PITPNA: variants seen among roughly 807,000 people sequenced by gnomAD.
The protein encoded by PITPNA is phosphatidylinositol transfer protein alpha, also known as phosphatidylinositol transfer protein alpha isoform.
Under a neutral mutation model 50.3 loss-of-function variants are expected in PITPNA, and 13 were observed. That is an observed-to-expected ratio of 0.26 (90% CI 0.17 to 0.41). The LOEUF is 0.41. Ranked by LOEUF, PITPNA falls within the 10% of genes least tolerant of loss-of-function variation. The pLI is 1.00. For synonymous variants in PITPNA, 120 were observed against 119.6 expected (o/e 1.00, Z -0.02); for missense variants, 207 against 333.4 (o/e 0.62, Z 2.95).
chr17:1,541,416 C>T (rs1157067183), intron 6 of PITPNA, 150 bp downstream of exon 6: 1 of 646,748 alleles, frequency 1.5e-6, no homozygotes, highest in African/African-American at 1.8e-5. Context: ...CATAGCAATC[C>T]CATGCTGGTA....
At chr17:1,552,722 A>C (rs1318953060) in intron 3 of PITPNA, among the ~76,000 whole-genome samples, 1 of 152,178 alleles carries the variant, frequency 6.6e-6, no homozygotes, top group Non-Finnish European at 1.5e-5. Context: ...AACCTATAGC[A>C]CTTCTGTCCC....
intron 7 of PITPNA, among the ~76,000 whole-genome samples, chr17:1,536,491 G>A (rs1030911022): frequency 4.3e-4 from 65 of 151,658 alleles, no homozygotes; most frequent in East Asian, 9.8e-4. Flanking sequence ...GGGTTTCACC[G>A]TGTTAGCCAG....
At chr17:1,559,211 G>C (rs1295906328) in intron 1 of PITPNA, among the ~76,000 whole-genome samples, 2 of 152,176 alleles carry the variant, frequency 1.3e-5, no homozygotes, top group Non-Finnish European at 2.9e-5. Context: ...CTACCACAAA[G>C]CCACCAAGAG....
chr17:1,533,575 C>A (rs2075596838), intron 10 of PITPNA, among the ~76,000 whole-genome samples: 1 of 152,168 alleles, frequency 6.6e-6, no homozygotes. Flanking sequence ...GGTCTTTAGG[C>A]TCCTAAGGAA....
At chr17:1,545,917 C>CTT (rs11322049) in intron 4 of PITPNA, among the ~76,000 whole-genome samples, 28 of 86,366 alleles carry the variant, frequency 3.2e-4, no homozygotes, top group African/African-American at 5.4e-4. Flanking sequence ...TGCATACTGC[C>CTT]TTTTTTTTTT....
rs1000101300 is a variant in PITPNA at position 1,535,769 on chromosome 17, G to A, written c.457-251C>T. The stretch of plus-strand genomic sequence containing the variant: ...GTGAAAGTATCACCAGACTGTCTGA[G>A]CAGGCACATATTTACCGTGTTGAAG... On this transcript the variant is annotated intron_variant, in intron 7 of 11. Coordinates refer to ENST00000313486, the MANE Select transcript of PITPNA (RefSeq NM_006224.4). The A allele has an allele frequency of 1.6e-5, 8 of 515,324 alleles. No individual in the cohort carries two copies. The East Asian group carries it at 2.8e-4, about 18-fold the overall frequency. The allele number at this position is 515,324 out of a possible 1,614,324, so 31.9% of individuals were successfully genotyped here. A position where few individuals can be genotyped will look rare whatever the true frequency, so the allele number is the denominator to read the frequency against.
intron 3 of PITPNA, among the ~76,000 whole-genome samples, chr17:1,551,755 C>T (rs930364750): frequency 2.6e-5 from 4 of 152,224 alleles, no homozygotes; most frequent in Admixed American, 1.3e-4. Flanking sequence ...AGGAGCAAAA[C>T]GAGACATGGA....
intron 2 of PITPNA, among the ~76,000 whole-genome samples, chr17:1,555,172 G>A (rs1054245927): frequency 6.6e-6 from 1 of 152,196 alleles, no homozygotes; most frequent in African/African-American, 2.4e-5. Flanking sequence ...TTGGGAAGGG[G>A]GACCCCAGGC....
At chr17:1,523,700 G>A (rs916731971) in intron 10 of PITPNA, among the ~76,000 whole-genome samples, 1 of 151,888 alleles carries the variant, frequency 6.6e-6, no homozygotes, top group Admixed American at 6.6e-5. Flanking sequence ...TAATAGGGAC[G>A]GGGTTTCACC....
intron 3 of PITPNA, among the ~76,000 whole-genome samples, chr17:1,549,303 G>A (rs1408623234): frequency 4.7e-5 from 7 of 149,136 alleles, no homozygotes; most frequent in Non-Finnish European, 8.9e-5. Context: ...GTTTGACGGA[G>A]TAGGAAAACA....
chr17:1,534,021 G>A (rs772373025), intron 10 of PITPNA, 78 bp downstream of exon 10: 13 of 1,538,358 alleles, frequency 8.5e-6, no homozygotes, highest in South Asian at 3.4e-5. Context: ...TGGTGCTCTC[G>A]GTGAAGCGCC....
At chr17:1,536,575 CA>C (rs1669609805) in intron 7 of PITPNA, among the ~76,000 whole-genome samples, 1 of 151,388 alleles carries the variant, frequency 6.6e-6, no homozygotes, top group African/African-American at 2.4e-5. Context: ...AGGCGTGAGC[CA>C]CCGCGCCCTG....
At chr17:1,537,085 GAC>G (rs1310471173) in intron 7 of PITPNA, among the ~76,000 whole-genome samples, 2 of 141,634 alleles carry the variant, frequency 1.4e-5, no homozygotes, top group African/African-American at 2.7e-5. Flanking sequence ...TTTTTTTTTT[GAC>G]ACAGTTTCAC....
At chr17:1,561,042 GCTCT>G (rs749409870) in intron 1 of PITPNA, among the ~76,000 whole-genome samples, 4 of 152,154 alleles carry the variant, frequency 2.6e-5, no homozygotes, top group Non-Finnish European at 5.9e-5. Flanking sequence ...CTCACAAGTT[GCTCT>G]CTGTTTGACC....
At chr17:1,527,882 C>A (rs985165815) in intron 10 of PITPNA, among the ~76,000 whole-genome samples, 2 of 152,126 alleles carry the variant, frequency 1.3e-5, no homozygotes, top group African/African-American at 4.8e-5. Context: ...ATAAAAGGTT[C>A]GGTGCAGAAA....
intron 4 of PITPNA, among the ~76,000 whole-genome samples, chr17:1,546,090 G>T (rs1336028535): frequency 1.3e-5 from 2 of 151,872 alleles, no homozygotes; most frequent in East Asian, 3.9e-4. Context: ...ACCATGCCCG[G>T]ATAACTTTTT....
intron 10 of PITPNA, among the ~76,000 whole-genome samples, chr17:1,524,720 G>A (rs1333823185): frequency 6.6e-6 from 1 of 151,880 alleles, no homozygotes; most frequent in Non-Finnish European, 1.5e-5. Context: ...ATTGTGGCAG[G>A]CACCTGTAAT....
intron 10 of PITPNA, among the ~76,000 whole-genome samples, chr17:1,524,924 G>A (rs117555511): frequency 0.011 from 1,628 of 152,138 alleles, 24 homozygotes; most frequent in South Asian, 0.052. Flanking sequence ...CTGAGTATTC[G>A]GGGCCTGTGT....
intron 1 of PITPNA, among the ~76,000 whole-genome samples, chr17:1,560,815 G>A (rs1294548109): frequency 2.6e-5 from 4 of 152,182 alleles, no homozygotes. Context: ...ACATCAGACT[G>A]GATGTCAAGA....
Sources: gnomAD v4.1 joint callset for allele counts (sites outside exome capture counted in the v4.1 genomes callset) on GRCh38, gnomAD v4.1.1 for gene constraint, MANE v1.5 for transcripts, NCBI Gene and HGNC (gene_info 2026-07-23, HGNC 2026-07-21) for gene names.